The following CABCOCO1 variants were observed in gnomAD, a reference collection of about 807,000 sequenced individuals.
CABCOCO1 encodes the protein ciliary associated calcium binding coiled-coil 1.
Under a neutral mutation model 35.7 loss-of-function variants are expected in CABCOCO1, and 28 were observed. The ratio of observed to expected loss-of-function variants is 0.78; its 90% CI spans 0.58 to 1.07. The LOEUF is 1.07. Among genes scored for constraint, CABCOCO1 ranks in the 50% least tolerant of loss-of-function variants. The probability of loss-of-function intolerance (pLI) is 0.00; values close to 1 mark genes in which losing one functional copy is unlikely to be tolerated. For missense variants in CABCOCO1, 326 were observed against 309.2 expected, an observed-to-expected ratio of 1.05 and a Z score of -0.41; for synonymous variants, 95 against 100.1, an observed-to-expected ratio of 0.95 and a Z score of 0.30.
chr10:61,695,771 G>GA (rs1052189612), intron 5 of CABCOCO1, among the ~76,000 whole-genome samples: 29 of 151,808 alleles, frequency 1.9e-4, no homozygotes, highest in East Asian at 3.9e-4. Context: ...TTCATTCCGA[G>GA]AAAAAAACCC....
intron 5 of CABCOCO1, among the ~76,000 whole-genome samples, chr10:61,749,442 C>T (rs138827733): frequency 1.4e-4 from 21 of 152,294 alleles, no homozygotes; most frequent in East Asian, 1.2e-3. Flanking sequence ...TCTTTATGCA[C>T]GCAATGCTTT....
At chr10:61,762,963 T>C (rs1241634070) in intron 7 of CABCOCO1, among the ~76,000 whole-genome samples, 3 of 152,084 alleles carry the variant, frequency 2.0e-5, no homozygotes, top group African/African-American at 7.2e-5. Flanking sequence ...GTAGGTTATT[T>C]TCCACTTCTA....
chr10:61,746,150 GT>G (rs1841655535), intron 5 of CABCOCO1, among the ~76,000 whole-genome samples: 1 of 152,120 alleles, frequency 6.6e-6, no homozygotes, highest in African/African-American at 2.4e-5. Context: ...TTTTACTCTA[GT>G]TTTAATAATA....
At chr10:61,748,757 G>A (rs371043607) in intron 5 of CABCOCO1, among the ~76,000 whole-genome samples, 2 of 152,128 alleles carry the variant, frequency 1.3e-5, no homozygotes, top group African/African-American at 4.8e-5. Context: ...TTCAAACCAC[G>A]AAAATAGGTG....
intron 2 of CABCOCO1, among the ~76,000 whole-genome samples, chr10:61,676,578 C>T (rs929726056): frequency 5.3e-5 from 8 of 151,984 alleles, no homozygotes; most frequent in Non-Finnish European, 1.2e-4. Context: ...TTACAAAAAT[C>T]ATATAATCAC....
At chr10:61,689,412 A>G (rs1329252292) in intron 4 of CABCOCO1, among the ~76,000 whole-genome samples, 1 of 152,174 alleles carries the variant, frequency 6.6e-6, no homozygotes. Flanking sequence ...TGAATGTACA[A>G]GAGGTTTTTT....
At chr10:61,712,436 T>G (rs1443538950) in intron 5 of CABCOCO1, among the ~76,000 whole-genome samples, 2 of 152,228 alleles carry the variant, frequency 1.3e-5, no homozygotes, top group Non-Finnish European at 2.9e-5. Context: ...TACAAAAATT[T>G]TCTTCCATTC....
Position 61,690,567 on chromosome 10 carries a change from G to A in CABCOCO1, c.498G>A (p.Lys166=), listed in dbSNP as rs754239887. 2 of 1,605,956 alleles carry A rather than the reference G, an allele frequency of 1.2e-6. No individual in the cohort carries two copies. The highest frequency in any genetic ancestry group is 2.2e-5 in the South Asian group (2 of 90,590). ...YLKISLFQHY[K]LYEFMFYSAR... is the part of the protein sequence containing the mutation. ...ATTTCAGCTTATTTCAACACTACAA[G>A]CTATACGAGTTTATGTTCTACTCTG... Residue 166 remains lysine (K), a synonymous_variant, in exon 5 of 8, where the codon AAG becomes AAA. Transcript: ENST00000648843.
rs1287173620 is a variant in CABCOCO1, at chr10:61,680,583, T to C, written c.165-560T>C. ...ATATATTTGTATATATTATGTTATA[T>C]ATAACATATGTTATACATGTATAAC... is the stretch of plus-strand genomic sequence containing the variant. On this transcript the variant is annotated intron_variant, in intron 2 of 7. Transcript: ENST00000648843. 2.2e-5 allele frequency among the ~76,000 whole-genome samples: 2 copies of C among 89,850 alleles called. 1 individual carries two copies. The highest frequency in any genetic ancestry group is 7.6e-5 in the African/African-American group (2 of 26,400). The allele number at this position is 89,850 out of a possible 152,430, so 58.9% of individuals were successfully genotyped here.
chr10:61,677,313 T>C (rs1369436221), intron 2 of CABCOCO1, among the ~76,000 whole-genome samples: 1 of 152,056 alleles, frequency 6.6e-6, no homozygotes, highest in Non-Finnish European at 1.5e-5. Context: ...TTTGGAAAGA[T>C]CTTAATTGAT....
intron 2 of CABCOCO1, among the ~76,000 whole-genome samples, chr10:61,680,521 T>C (rs1223965555): frequency 1.5e-5 from 2 of 136,450 alleles, no homozygotes; most frequent in Non-Finnish European, 3.1e-5. Context: ...ATATATAACA[T>C]ATTATATGTT....
At chr10:61,744,032 G>T (rs1841605327) in intron 5 of CABCOCO1, among the ~76,000 whole-genome samples, 1 of 152,174 alleles carries the variant, frequency 6.6e-6, no homozygotes, top group African/African-American at 2.4e-5. Context: ...TGTGTTGTTT[G>T]TCTCTGAATC....
chr10:61,719,443 T>A (rs1377170233), intron 5 of CABCOCO1, among the ~76,000 whole-genome samples: 1 of 151,768 alleles, frequency 6.6e-6, no homozygotes, highest in Non-Finnish European at 1.5e-5. Flanking sequence ...AGGTTACACA[T>A]GATTAAAAAA....
chr10:61,759,943 G>A, intron 5 of CABCOCO1, 116 bp from the exon 6 acceptor site: 2 of 1,314,664 alleles, frequency 1.5e-6, no homozygotes, highest in South Asian at 1.5e-5. Flanking sequence ...ATTCAAAGGA[G>A]GTGGCACTTG....
At chr10:61,715,104 C>T (rs976144859) in intron 5 of CABCOCO1, among the ~76,000 whole-genome samples, 3 of 152,094 alleles carry the variant, frequency 2.0e-5, no homozygotes, top group Admixed American at 6.5e-5. Context: ...CTAATATTGA[C>T]AGTGGGGTGT....
intron 3 of CABCOCO1, 135 bp downstream of exon 3, chr10:61,681,447 CA>C: frequency 1.7e-6 from 1 of 599,628 alleles, no homozygotes; most frequent in Non-Finnish European, 2.7e-6. Context: ...ATAACAAATA[CA>C]TAGTTCCTAT....
intron 1 of CABCOCO1, among the ~76,000 whole-genome samples, chr10:61,667,641 T>A (rs1187082387): frequency 6.6e-6 from 1 of 151,902 alleles, no homozygotes. Flanking sequence ...CCAAGTATAA[T>A]TCAATCAAGT....
intron 7 of CABCOCO1, among the ~76,000 whole-genome samples, chr10:61,762,474 C>T (rs983546064): frequency 1.6e-4 from 24 of 152,002 alleles, no homozygotes; most frequent in African/African-American, 5.3e-4. Context: ...GATGCAGAAC[C>T]GCTAGGTGCC....
intron 1 of CABCOCO1, among the ~76,000 whole-genome samples, chr10:61,667,909 A>C (rs1839240514): frequency 6.6e-6 from 1 of 151,976 alleles, no homozygotes; most frequent in African/African-American, 2.4e-5. Flanking sequence ...GAATTACAAT[A>C]ATGTTGCCAT....
Sources: gnomAD v4.1 joint callset for allele counts (sites outside exome capture counted in the v4.1 genomes callset) on GRCh38, gnomAD v4.1.1 for gene constraint, MANE v1.5 for transcripts, NCBI Gene and HGNC (gene_info 2026-07-23, HGNC 2026-07-21) for gene names.